Variants in SGCZ observed in about 807,000 individuals in gnomAD.
SGCZ encodes sarcoglycan zeta, also known as zeta-sarcoglycan.
Under a neutral mutation model 41.3 loss-of-function variants are expected in SGCZ, and 40 were observed. That is an observed-to-expected ratio of 0.97 (90% CI 0.75 to 1.26). The LOEUF (loss-of-function observed/expected upper bound fraction) is 1.26. SGCZ is among the 50% of genes most tolerant of loss of function. The probability of loss-of-function intolerance (pLI) is 0.00; values close to 1 mark genes in which losing one functional copy is unlikely to be tolerated. For missense variants in SGCZ, 552 were observed against 369.8 expected (o/e 1.49, Z -4.04); for synonymous variants, 206 against 137.5 (o/e 1.50, Z -3.49).
intron 1 of SGCZ, among the ~76,000 whole-genome samples, chr8:14,872,495 G>A (rs953389163): frequency 1.3e-5 from 2 of 152,008 alleles, no homozygotes; most frequent in Non-Finnish European, 2.9e-5. Context: ...AATACACAAT[G>A]GTAATAGAAT....
chr8:15,109,225 C>G (rs1806950345), intron 1 of SGCZ, among the ~76,000 whole-genome samples: 1 of 152,060 alleles, frequency 6.6e-6, no homozygotes, highest in Non-Finnish European at 1.5e-5. Flanking sequence ...TTCTCCTTTC[C>G]CAGCTTACAG....
intron 4 of SGCZ, among the ~76,000 whole-genome samples, chr8:14,219,881 C>G (rs1233994587): frequency 1.3e-5 from 2 of 152,132 alleles, no homozygotes; most frequent in Non-Finnish European, 2.9e-5. Flanking sequence ...TTTCTACAAC[C>G]AGTAGGATGC....
intron 1 of SGCZ, among the ~76,000 whole-genome samples, chr8:14,964,605 T>C (rs755846266): frequency 6.6e-6 from 1 of 152,212 alleles, no homozygotes; most frequent in African/African-American, 2.4e-5. Context: ...ATCCCACACG[T>C]AGCTTTGCAA....
At chr8:14,932,544 C>G (rs1799948258) in intron 1 of SGCZ, among the ~76,000 whole-genome samples, 1 of 151,890 alleles carries the variant, frequency 6.6e-6, no homozygotes, top group African/African-American at 2.4e-5. Context: ...GGGGCAATGA[C>G]AGAATTACTA....
intron 5 of SGCZ, among the ~76,000 whole-genome samples, chr8:14,137,623 T>C (rs903653603): frequency 6.6e-6 from 1 of 151,956 alleles, no homozygotes; most frequent in Non-Finnish European, 1.5e-5. Flanking sequence ...AAGAGAAGTT[T>C]AGAGAAAAAA....
At chr8:14,558,516 A>G (rs2117200207) in intron 1 of SGCZ, among the ~76,000 whole-genome samples, 1 of 148,408 alleles carries the variant, frequency 6.7e-6, no homozygotes, top group Middle Eastern at 3.5e-3. Context: ...CAGAGGTTGC[A>G]GTGAGCAGAG....
intron 2 of SGCZ, chr8:14,487,854 G>A (rs1002455311): frequency 6.6e-6 from 1 of 152,150 alleles, no homozygotes; most frequent in Non-Finnish European, 1.5e-5. Context: ...TATTCCAATT[G>A]TAGCACATGT....
chr8:14,839,644 T>C (rs1228062439), intron 1 of SGCZ, among the ~76,000 whole-genome samples: 2 of 152,182 alleles, frequency 1.3e-5, no homozygotes, highest in Non-Finnish European at 2.9e-5. Context: ...TCCTCCCTGA[T>C]ATACTGTAGT....
At chr8:14,266,090 T>A (rs181096721) in intron 3 of SGCZ, among the ~76,000 whole-genome samples, 135 of 152,052 alleles carry the variant, frequency 8.9e-4, no homozygotes, top group African/African-American at 3.1e-3. Flanking sequence ...TCCCCAAACC[T>A]AAGGAAACAT....
chr8:14,353,332 T>C (rs1803169180), intron 2 of SGCZ, among the ~76,000 whole-genome samples: 1 of 152,140 alleles, frequency 6.6e-6, no homozygotes, highest in South Asian at 2.1e-4. Flanking sequence ...TCTGATTCTT[T>C]CCTTGGCCCT....
At chr8:15,193,506 G>A (rs542423136) in intron 1 of SGCZ, among the ~76,000 whole-genome samples, 2 of 151,986 alleles carry the variant, frequency 1.3e-5, no homozygotes, top group Non-Finnish European at 2.9e-5. Flanking sequence ...CTTTGGAGAT[G>A]AAAAATATTG....
intron 1 of SGCZ, among the ~76,000 whole-genome samples, chr8:15,165,527 T>A (rs542232730): frequency 6.6e-6 from 1 of 152,302 alleles, no homozygotes; most frequent in South Asian, 2.1e-4. Flanking sequence ...TGGGGACATA[T>A]GGAACTAACT....
At chr8:15,122,327 G>A (rs1440065498) in intron 1 of SGCZ, among the ~76,000 whole-genome samples, 1 of 151,910 alleles carries the variant, frequency 6.6e-6, no homozygotes, top group East Asian at 1.9e-4. Flanking sequence ...GGGAAACAAG[G>A]GTATTCAAGA....
intron 2 of SGCZ, among the ~76,000 whole-genome samples, chr8:14,324,878 C>T (rs1035130148): frequency 5.3e-5 from 8 of 152,148 alleles, no homozygotes; most frequent in African/African-American, 1.2e-4. Context: ...AGATTGACTA[C>T]GATAAAGTTG....
At chr8:15,002,847 G>A (rs184725149) in intron 1 of SGCZ, among the ~76,000 whole-genome samples, 34 of 152,232 alleles carry the variant, frequency 2.2e-4, no homozygotes, top group African/African-American at 7.5e-4. Context: ...TTGAATTACA[G>A]ATCCCATAAA....
chr8:15,113,403 C>G (rs1807146143), intron 1 of SGCZ, among the ~76,000 whole-genome samples: 1 of 152,090 alleles, frequency 6.6e-6, no homozygotes, highest in Non-Finnish European at 1.5e-5. Flanking sequence ...CTTACAAGTC[C>G]TCAATTCAGC....
chr8:14,149,509 G>C lies in SGCZ; in HGVS notation c.547+15071C>G, dbSNP rs947162607. ...TGGAAACTATAAAACACTGGTGAAA[G>C]AAATTGAAAGGAACGCCAAAAAATG... On this transcript the variant is annotated intron_variant, in intron 5 of 7. Transcript: ENST00000382080. Among the ~76,000 whole-genome samples the C allele has an allele frequency of 2.0e-4, 31 of 152,062 alleles. 1 individual carries two copies. The highest frequency in any genetic ancestry group is 7.2e-4 in the African/African-American group (30 of 41,534).
chr8:14,358,425 C>A (rs374100869), intron 2 of SGCZ, among the ~76,000 whole-genome samples: 1 of 151,944 alleles, frequency 6.6e-6, no homozygotes, highest in African/African-American at 2.4e-5. Context: ...CATCTCATTA[C>A]GTAAGAAGTC....
chr8:14,352,123 G>C (rs901124192), intron 2 of SGCZ, among the ~76,000 whole-genome samples: 2 of 151,992 alleles, frequency 1.3e-5, no homozygotes, highest in East Asian at 1.9e-4. Flanking sequence ...ACTCAACTTA[G>C]ATTAAGAATG....
Sources: allele counts gnomAD v4.1 joint callset (sites outside exome capture counted in the v4.1 genomes callset), GRCh38; gene constraint gnomAD v4.1.1; transcripts MANE v1.5; gene names NCBI Gene and HGNC (gene_info 2026-07-23, HGNC 2026-07-21).